Variants in CYRIA observed in about 807,000 individuals in gnomAD.
CYRIA encodes the protein CYFIP related Rac1 interactor A, also known as CYFIP-related Rac1 interactor A.
Under a neutral mutation model 43.9 loss-of-function variants are expected in CYRIA, and 15 were observed. That is an observed-to-expected ratio of 0.34 (90% CI 0.23 to 0.53). The LOEUF (loss-of-function observed/expected upper bound fraction) is 0.53. CYRIA is among the 20% of genes least tolerant of loss of function. The pLI is 0.94. For synonymous variants in CYRIA, 117 were observed against 136.0 expected, an observed-to-expected ratio of 0.86 and a Z score of 0.97; for missense variants, 236 against 394.2, an observed-to-expected ratio of 0.60 and a Z score of 3.40.
At chr2:16,577,332 T>C (rs1387579671) in intron 3 of CYRIA, among the ~76,000 whole-genome samples, 1 of 152,180 alleles carries the variant, frequency 6.6e-6, no homozygotes, top group African/African-American at 2.4e-5. Context: ...TTAATTTAGA[T>C]ATATATCTGT....
At chr2:16,627,247 A>T (rs1669200015) in intron 1 of CYRIA, among the ~76,000 whole-genome samples, 2 of 150,396 alleles carry the variant, frequency 1.3e-5, no homozygotes, top group African/African-American at 2.5e-5. Context: ...AAGGGCCCCA[A>T]AGACTGTGTC....
At chr2:16,630,370 T>C (rs149525282) in intron 1 of CYRIA, among the ~76,000 whole-genome samples, 45 of 152,206 alleles carry the variant, frequency 3.0e-4, no homozygotes, top group African/African-American at 1.0e-3. Flanking sequence ...TTATGAGTCA[T>C]GGGGCAGAGA....
chr2:16,657,479 TG>T (rs1439184747), intron 1 of CYRIA, among the ~76,000 whole-genome samples: 1 of 132,136 alleles, frequency 7.6e-6, no homozygotes, highest in African/African-American at 3.3e-5. Flanking sequence ...TGTTTTTTGT[TG>T]TTTTTTTTTT....
chr2:16,585,095 A>G (rs1375053503), intron 3 of CYRIA, among the ~76,000 whole-genome samples: 1 of 152,134 alleles, frequency 6.6e-6, no homozygotes, highest in Admixed American at 6.6e-5. Context: ...CATATTCAAC[A>G]TGCCCTTAGT....
chr2:16,643,674 A>G (rs16982635), intron 1 of CYRIA, among the ~76,000 whole-genome samples: 6,064 of 152,222 alleles, frequency 0.04, 154 homozygotes, highest in Middle Eastern at 0.082. Flanking sequence ...TTCGCCCACA[A>G]TCAGACACTC....
At chr2:16,589,476 T>C (rs1667846808) in intron 2 of CYRIA, among the ~76,000 whole-genome samples, 1 of 146,068 alleles carries the variant, frequency 6.8e-6, no homozygotes, top group Non-Finnish European at 1.5e-5. Context: ...AGACAGACTT[T>C]TTAAGTAGTC....
At position 16,559,593 on chromosome 2, in the gene CYRIA, G is replaced by A. The variant is rs1200456120; in HGVS notation, c.711-7C>T. 1.9e-6 allele frequency: 3 copies of A among 1,610,768 alleles called. No homozygotes were observed. The East Asian group carries it at 6.7e-5, about 36-fold the overall frequency. On this transcript the variant is annotated splice_region_variant and splice_polypyrimidine_tract_variant and intron_variant, in intron 9 of 11. Transcript: ENST00000381323. ...AAACCTACTTCTGTACTCCCTGCAAGAGAAGAAACAGCAGTGGCGTCACTT... is the reference window on the plus strand; with the variant it reads ...AAACCTACTTCTGTACTCCCTGCAAAAGAAGAAACAGCAGTGGCGTCACTT...
At position 16,607,534 on chromosome 2, in the gene CYRIA, C is replaced by T. The variant is rs538340832; in HGVS notation, c.-11+16330G>A. Among the ~76,000 whole-genome samples the T allele has an allele frequency of 2.0e-5, 3 of 152,328 alleles. No homozygotes were observed. The East Asian group carries it at 5.8e-4, about 29-fold the overall frequency. ...CTCTGCTGAAGCTACTCTGATCACT[C>T]TGTACATAAGCCACACCAGAATATG... On this transcript the variant is annotated intron_variant, in intron 2 of 11. Transcript: ENST00000381323.
intron 2 of CYRIA, among the ~76,000 whole-genome samples, chr2:16,593,538 G>A (rs1039061848): frequency 3.3e-5 from 5 of 151,960 alleles, no homozygotes; most frequent in African/African-American, 1.2e-4. Context: ...GTAAGTTTGT[G>A]ATAGAGGCCT....
chr2:16,634,639 C>T (rs1164870310), intron 1 of CYRIA, among the ~76,000 whole-genome samples: 1 of 149,996 alleles, frequency 6.7e-6, no homozygotes, highest in Non-Finnish European at 1.5e-5. Context: ...GCTTTCCCCA[C>T]AGCACATCAC....
At chr2:16,665,517 A>C (rs151100769) in intron 1 of CYRIA, among the ~76,000 whole-genome samples, 4 of 152,126 alleles carry the variant, frequency 2.6e-5, no homozygotes, top group Non-Finnish European at 5.9e-5. Context: ...AAAGGAACAC[A>C]ATCAGGAGGC....
intron 1 of CYRIA, among the ~76,000 whole-genome samples, chr2:16,639,814 C>A (rs549483256): frequency 6.6e-6 from 1 of 152,288 alleles, no homozygotes; most frequent in Non-Finnish European, 1.5e-5. Context: ...CTACTTCTGA[C>A]ACATAGATGA....
chr2:16,619,852 G>T (rs1382740797), intron 2 of CYRIA, among the ~76,000 whole-genome samples: 1 of 152,172 alleles, frequency 6.6e-6, no homozygotes, highest in African/African-American at 2.4e-5. Flanking sequence ...TTTATAGAGT[G>T]CAGTTCTGTA....
chr2:16,638,282 C>T (rs961986150), intron 1 of CYRIA, among the ~76,000 whole-genome samples: 1 of 152,182 alleles, frequency 6.6e-6, no homozygotes, highest in African/African-American at 2.4e-5. Context: ...TGTTTGCTAA[C>T]AGCCCGTAAG....
intron 4 of CYRIA, 34 bp downstream of exon 4, chr2:16,565,611 CG>C: frequency 6.6e-7 from 1 of 1,508,040 alleles, no homozygotes; most frequent in African/African-American, 1.4e-5. Context: ...TTCCCCTCCT[CG>C]GGTGTTGTCA....
intron 2 of CYRIA, among the ~76,000 whole-genome samples, chr2:16,607,144 C>A (rs1350284574): frequency 2.6e-5 from 4 of 152,136 alleles, no homozygotes; most frequent in African/African-American, 4.8e-5. Context: ...GGAGCAATTG[C>A]CCTTGTTTCA....
chr2:16,556,557 T>A (rs1231196973), intron 10 of CYRIA, among the ~76,000 whole-genome samples: 1 of 152,152 alleles, frequency 6.6e-6, no homozygotes, highest in Admixed American at 6.5e-5. Context: ...TAGGTATGAA[T>A]AACAAGATGC....
chr2:16,580,696 C>A (rs1007327608), intron 3 of CYRIA, among the ~76,000 whole-genome samples: 38 of 152,054 alleles, frequency 2.5e-4, no homozygotes, highest in African/African-American at 8.7e-4. Flanking sequence ...AAACAGTCTT[C>A]CAAAAGAGTT....
intron 5 of CYRIA, 126 bp downstream of exon 5, chr2:16,563,863 C>G (rs531324593): frequency 1.6e-6 from 1 of 619,660 alleles, no homozygotes; most frequent in African/African-American, 1.9e-5. Context: ...TCATAAATGG[C>G]CTCTCATTTG....
Sources: allele counts gnomAD v4.1 joint callset (sites outside exome capture counted in the v4.1 genomes callset), GRCh38; gene constraint gnomAD v4.1.1; transcripts MANE v1.5; gene names NCBI Gene and HGNC (gene_info 2026-07-23, HGNC 2026-07-21).